The following USP31 variants were observed in gnomAD, a reference collection of about 807,000 sequenced individuals.
USP31 encodes ubiquitin specific peptidase 31, also known as ubiquitin carboxyl-terminal hydrolase 31.
USP31 carries 44 observed loss-of-function variants against 119.4 expected under a neutral mutation model. The observed-to-expected ratio is 0.37, with a 90% confidence interval of 0.29 to 0.47. USP31 has a LOEUF of 0.47. USP31 is among the 20% of genes least tolerant of loss of function. The pLI, the probability that USP31 is intolerant of heterozygous loss-of-function variation, is 0.99. For missense variants in USP31, 1,643 were observed against 1,730.2 expected (o/e 0.95, Z 0.89); for synonymous variants, 749 against 705.6 (o/e 1.06, Z -0.97).
chr16:23,090,190 G>A (rs969484727), intron 7 of USP31, among the ~76,000 whole-genome samples: 1 of 152,096 alleles, frequency 6.6e-6, no homozygotes. Flanking sequence ...TTTGAGACCT[G>A]CCTGACCAAC....
intron 1 of USP31, among the ~76,000 whole-genome samples, chr16:23,148,345 C>T (rs1021318132): frequency 6.6e-6 from 1 of 152,216 alleles, no homozygotes; most frequent in Admixed American, 6.5e-5. Context: ...ATGCAAGTTC[C>T]ATGAAGGCGG....
chr16:23,143,863 G>A (rs1465627664), intron 1 of USP31, among the ~76,000 whole-genome samples: 1 of 151,596 alleles, frequency 6.6e-6, no homozygotes, highest in Non-Finnish European at 1.5e-5. Context: ...TCCAGACATC[G>A]ACAAATGTCC....
chr16:23,124,927 C>T (rs1422123950), intron 1 of USP31, among the ~76,000 whole-genome samples: 4 of 152,076 alleles, frequency 2.6e-5, no homozygotes, highest in Non-Finnish European at 5.9e-5. Context: ...AGAGTATCTA[C>T]GCATCAAAGG....
intron 5 of USP31, among the ~76,000 whole-genome samples, chr16:23,104,978 A>C (rs1902033418): frequency 6.6e-6 from 1 of 152,226 alleles, no homozygotes; most frequent in African/African-American, 2.4e-5. Context: ...CCGTAATGAG[A>C]AAACAAAACG....
rs535089670 is a variant in USP31 at position 23,105,610 on chromosome 16, C to A, written c.954-34G>T. The A allele has an allele frequency of 4.0e-6, 6 of 1,493,848 alleles. No homozygotes were observed. In the African/African-American group the frequency reaches 5.7e-5, roughly 14 times the overall value. The allele number at this position is 1,493,848 out of a possible 1,614,324, so 92.5% of individuals were successfully genotyped here. ...ATCAAAGTCAGATCTTCTCATTAGT[C>A]ACTTATTTCAACTAAAATATAGAAG... On this transcript the variant is annotated intron_variant, in intron 4 of 15. Transcript: ENST00000219689.
intron 1 of USP31, among the ~76,000 whole-genome samples, chr16:23,115,101 A>G (rs1317941928): frequency 6.6e-6 from 1 of 152,192 alleles, no homozygotes; most frequent in Non-Finnish European, 1.5e-5. Flanking sequence ...ATGAGCAGAT[A>G]AGACCCCTGC....
At chr16:23,143,587 G>GT (rs1191545649) in intron 1 of USP31, among the ~76,000 whole-genome samples, 8 of 130,814 alleles carry the variant, frequency 6.1e-5, no homozygotes, top group Admixed American at 2.2e-4. Context: ...GGAGAGGTTG[G>GT]GGGGGGGGAG....
intron 1 of USP31, among the ~76,000 whole-genome samples, chr16:23,139,264 C>T (rs1438060722): frequency 6.6e-6 from 1 of 152,008 alleles, no homozygotes; most frequent in African/African-American, 2.4e-5. Flanking sequence ...TAGCTGGGCA[C>T]AGTGATGCCC....
chr16:23,148,563 G>A (rs1185518500), intron 1 of USP31, 75 bp downstream of exon 1: 1 of 1,387,550 alleles, frequency 7.2e-7, no homozygotes, highest in Non-Finnish European at 9.3e-7. Flanking sequence ...GAGGAACCGA[G>A]GGAAGGAAGA....
At chr16:23,092,236 GCTAGAATACAA>G (rs1222670711) in intron 6 of USP31, among the ~76,000 whole-genome samples, 1 of 152,218 alleles carries the variant, frequency 6.6e-6, no homozygotes, top group Non-Finnish European at 1.5e-5. Context: ...GCAGTCTCTG[GCTAGAATACAA>G]TAACCTTTGG....
rs751231011 is a variant in USP31 at position 23,061,539 on chromosome 16, GCTT to G, written c.*6504_*6506del. On this transcript the variant is annotated 3_prime_UTR_variant, in exon 16 of 16. Coordinates refer to ENST00000219689, the MANE Select transcript of USP31 (RefSeq NM_020718.4). ...TTTCAAACGTAAAAATATAAATTCT[GCTT>G]CTTAAAAGTGCATACACTTTGAATA... 12 of 152,610 alleles carry G rather than the reference GCTT, an allele frequency of 7.9e-5. No homozygotes were observed. The highest frequency in any genetic ancestry group is 1.2e-4 in the African/African-American group (5 of 41,438). 9.5% of individuals were successfully genotyped at this position (152,610 alleles called of 1,614,324 possible).
rs1405656608 is a variant in USP31 at position 23,068,841 on chromosome 16, T to A, written c.3264A>T (p.Ser1088=). ...TTTTGGGTTGGGCAGGGGCAGGGGATGAATGCCGTCCACTGCCCCTGGAAG... is the reference window on the plus strand; with the variant it reads ...TTTTGGGTTGGGCAGGGGCAGGGGAAGAATGCCGTCCACTGCCCCTGGAAG... ...DSSSRGSGRH[S]SPAPAQPKKE... is the part of the protein sequence containing the mutation. Residue 1088 remains serine, a synonymous_variant, in exon 16 of 16, where the codon TCA becomes TCT. Transcript: ENST00000219689. The A allele has an allele frequency of 1.3e-6, 2 of 1,565,692 alleles. No homozygotes were observed. The highest frequency in any genetic ancestry group is 1.7e-6 in the Non-Finnish European group (2 of 1,158,156).
chr16:23,149,373 G>T lies in USP31; in HGVS notation c.-103C>A, dbSNP rs1903652002. ...AGCGCCGCGCCTCACCGGGCCCGGGGGCTCGACGCCCCACACACCTCAAAG... is the reference window on the plus strand; with the variant it reads ...AGCGCCGCGCCTCACCGGGCCCGGGTGCTCGACGCCCCACACACCTCAAAG... On this transcript the variant is annotated 5_prime_UTR_variant, in exon 1 of 16. Coordinates refer to ENST00000219689, the MANE Select transcript of USP31 (RefSeq NM_020718.4). The T allele has an allele frequency of 1.1e-5, 11 of 988,174 alleles. No individual in the cohort carries two copies. The highest frequency in any genetic ancestry group is 1.3e-5 in the Non-Finnish European group (11 of 833,000). 61.2% of individuals were successfully genotyped at this position (988,174 alleles called of 1,614,324 possible). A position where few individuals can be genotyped will look rare whatever the true frequency, so the allele number is the denominator to read the frequency against.
chr16:23,102,545 A>AGT (rs1901925911), intron 5 of USP31, 82 bp from the exon 6 acceptor site: 1 of 1,469,144 alleles, frequency 6.8e-7, no homozygotes, highest in African/African-American at 1.4e-5. Context: ...ACTTCTCCAG[A>AGT]CCATCAGGAC....
chr16:23,138,506 C>T (rs1185601193), intron 1 of USP31, among the ~76,000 whole-genome samples: 1 of 152,142 alleles, frequency 6.6e-6, no homozygotes. Flanking sequence ...AGAAAAAAGA[C>T]AATCATACCA....
At chr16:23,132,656 G>C (rs1903065505) in intron 1 of USP31, among the ~76,000 whole-genome samples, 1 of 152,022 alleles carries the variant, frequency 6.6e-6, no homozygotes, top group Non-Finnish European at 1.5e-5. Flanking sequence ...TTTCTACATG[G>C]GTCACCAAAA....
intron 10 of USP31, among the ~76,000 whole-genome samples, chr16:23,085,227 G>A (rs1270484661): frequency 4.6e-5 from 7 of 152,170 alleles, no homozygotes; most frequent in Admixed American, 4.6e-4. Context: ...GCCATGAACT[G>A]TACTGGTTAA....
At chr16:23,103,423 CTAAG>C (rs1252438630) in intron 5 of USP31, among the ~76,000 whole-genome samples, 2 of 151,994 alleles carry the variant, frequency 1.3e-5, no homozygotes, top group Non-Finnish European at 2.9e-5. Context: ...ATGCAAAAAT[CTAAG>C]TAAATACAAA....
At chr16:23,118,339 G>T (rs1045069686) in intron 1 of USP31, among the ~76,000 whole-genome samples, 2 of 152,122 alleles carry the variant, frequency 1.3e-5, no homozygotes, top group Non-Finnish European at 2.9e-5. Flanking sequence ...TAAAGAAAAC[G>T]AGAAAATATC....
Sources: gnomAD v4.1 joint callset for allele counts (sites outside exome capture counted in the v4.1 genomes callset) on GRCh38, gnomAD v4.1.1 for gene constraint, MANE v1.5 for transcripts, NCBI Gene and HGNC (gene_info 2026-07-23, HGNC 2026-07-21) for gene names.